EFHC2: variants seen among roughly 807,000 people sequenced by gnomAD.
EFHC2 encodes the protein EF-hand domain containing 2, also known as EF-hand domain-containing family member C2.
EFHC2 carries 18 observed loss-of-function variants against 52.7 expected under a neutral mutation model. The observed-to-expected ratio is 0.34, with a 90% CI of 0.24 to 0.51. The LOEUF is 0.51. Ranked by LOEUF, EFHC2 falls within the 20% of genes least tolerant of loss-of-function variation. The pLI, the probability that EFHC2 is intolerant of heterozygous loss-of-function variation, is 0.97. For synonymous variants in EFHC2, 203 were observed against 204.1 expected (o/e 0.99, Z 0.04); for missense variants, 513 against 562.5 (o/e 0.91, Z 0.89).
intron 2 of EFHC2, among the ~76,000 whole-genome samples, chrX:44,310,783 A>G (rs1569306165): frequency 8.9e-6 from 1 of 111,862 alleles, no homozygotes; most frequent in Non-Finnish European, 1.9e-5. Context: ...TAGCCCTGAA[A>G]TGAGCAAGCT....
chrX:44,149,256 C>T lies in EFHC2; in HGVS notation c.2149-360G>A, dbSNP rs767384597. Reference sequence around the variant, plus strand: ...GCATCATTTGGCTTGGCCTTCTGTGCCTCTGCCATCACCATGAAAAGAACA... The same window carrying T: ...GCATCATTTGGCTTGGCCTTCTGTGTCTCTGCCATCACCATGAAAAGAACA... On this transcript the variant is annotated intron_variant, in intron 14 of 14. Transcript: ENST00000420999. Among the ~76,000 whole-genome samples the T allele has an allele frequency of 5.5e-4, 62 of 112,102 alleles. 1 individual carries two copies. The highest frequency in any genetic ancestry group is 2.0e-3 in the African/African-American group (62 of 30,891).
Position 44,290,353 on chromosome X carries a change from C to T in EFHC2, c.232-17517G>A, listed in dbSNP as rs1441989836. On this transcript the variant is annotated intron_variant, in intron 2 of 14. Transcript: ENST00000420999. ...ATATTTTTAATTTGCTTTTACTTCTCACTTTGTATTATATACTTCCTTACA... is the reference window on the plus strand; with the variant it reads ...ATATTTTTAATTTGCTTTTACTTCTTACTTTGTATTATATACTTCCTTACA... 2.0e-4 allele frequency among the ~76,000 whole-genome samples: 22 copies of T among 111,848 alleles called. No homozygotes were observed. In the Admixed American group the frequency reaches 2.1e-3, roughly 11 times the overall value.
intron 11 of EFHC2, among the ~76,000 whole-genome samples, chrX:44,205,437 C>A (rs1302168759): frequency 2.7e-5 from 3 of 109,240 alleles, no homozygotes; most frequent in African/African-American, 1.0e-4. Flanking sequence ...ATACAAGACC[C>A]AACCTTCTCC....
At position 44,248,427 on chromosome X, in the gene EFHC2, A is replaced by T. The variant is rs2037416885; in HGVS notation, c.973-17T>A. The stretch of plus-strand genomic sequence containing the variant: ...TTTTCCTAGCTAAAAAAGACAAAGG[A>T]ACATAGCATTGGCACCATGGACCCT... On this transcript the variant is annotated splice_polypyrimidine_tract_variant and intron_variant, in intron 6 of 14. Coordinates refer to ENST00000420999, the MANE Select transcript of EFHC2 (RefSeq NM_025184.4). 3 of 1,189,037 alleles carry T rather than the reference A, an allele frequency of 2.5e-6. No individual in the cohort carries two copies. In the African/African-American group the frequency reaches 5.3e-5, roughly 21 times the overall value.
At chrX:44,324,758 C>A (rs1193257922) in intron 1 of EFHC2, among the ~76,000 whole-genome samples, 12 of 111,847 alleles carry the variant, frequency 1.1e-4, no homozygotes, top group African/African-American at 3.9e-4. Context: ...GAGAAGAAAC[C>A]AAAATATATC....
At chrX:44,342,819 T>C (rs1217284733) in intron 1 of EFHC2, among the ~76,000 whole-genome samples, 2 of 100,021 alleles carry the variant, frequency 2.0e-5, no homozygotes, top group African/African-American at 7.8e-5. Context: ...GAGGTTGCAG[T>C]GAGCCGAGAT....
intron 1 of EFHC2, among the ~76,000 whole-genome samples, chrX:44,332,117 C>T (rs1174661924): frequency 9.1e-6 from 1 of 110,068 alleles, no homozygotes; most frequent in Non-Finnish European, 1.9e-5. Flanking sequence ...GCTCTACTCA[C>T]GTGCCTTTTA....
rs61512189 is a variant in EFHC2, at chrX:44,204,234, C to CAAA, written c.1751+25412_1751+25414dup. 3.3e-3 allele frequency among the ~76,000 whole-genome samples: 185 copies of CAAA among 55,403 alleles called. 1 individual carries two copies. The highest frequency in any genetic ancestry group is 0.013 in the Middle Eastern group (1 of 79). 48.1% of individuals were successfully genotyped at this position (55,403 alleles called of 115,157 possible). On this transcript the variant is annotated intron_variant, in intron 11 of 14. Transcript: ENST00000420999. ...AAGCCCTCTGAAATGGTAGCAAACC[C>CAAA]AAAAAAAAAAAAAAAAAAAGCAGCA...
At chrX:44,299,488 T>C (rs1176493665) in intron 2 of EFHC2, among the ~76,000 whole-genome samples, 4 of 111,924 alleles carry the variant, frequency 3.6e-5, no homozygotes, top group Admixed American at 2.8e-4. Context: ...CTTCAACCAA[T>C]TGCCAATCAG....
At position 44,303,413 on chromosome X, in the gene EFHC2, G is replaced by T. The variant is rs181301214; in HGVS notation, c.231+9155C>A. 5.0e-4 allele frequency among the ~76,000 whole-genome samples: 55 copies of T among 110,858 alleles called. 1 individual carries two copies. The East Asian group carries it at 8.8e-3, about 18-fold the overall frequency. On this transcript the variant is annotated intron_variant, in intron 2 of 14. Transcript: ENST00000420999. The stretch of plus-strand genomic sequence containing the variant: ...ACTCTAGTCTGTTCTCTCCCTCTGA[G>T]ATTTATTAAGATACCCAGTTGTAGA...
At chrX:44,316,885 A>G (rs969730725) in intron 1 of EFHC2, among the ~76,000 whole-genome samples, 1 of 111,881 alleles carries the variant, frequency 8.9e-6, no homozygotes, top group Non-Finnish European at 1.9e-5. Flanking sequence ...TTTACTACTT[A>G]AGACCGTCAT....
intron 4 of EFHC2, among the ~76,000 whole-genome samples, chrX:44,256,796 A>T (rs2037495615): frequency 9.3e-6 from 1 of 107,378 alleles, no homozygotes; most frequent in Non-Finnish European, 1.9e-5. Flanking sequence ...TGAGGCCAGC[A>T]TCATCCTGAT....
intron 11 of EFHC2, among the ~76,000 whole-genome samples, chrX:44,179,976 G>C (rs1303905260): frequency 8.9e-6 from 1 of 112,185 alleles, no homozygotes; most frequent in Non-Finnish European, 1.9e-5. Flanking sequence ...AGCCTAGGAG[G>C]TGGTGCTACT....
At chrX:44,238,168 C>T (rs1374231395) in intron 8 of EFHC2, among the ~76,000 whole-genome samples, 1 of 111,505 alleles carries the variant, frequency 9.0e-6, no homozygotes, top group East Asian at 2.8e-4. Flanking sequence ...CAACTCCACC[C>T]TTCCAGTTGC....
chrX:44,229,849 A>T lies in EFHC2; in HGVS notation c.1621-70T>A. 3.8e-6 allele frequency: 4 copies of T among 1,049,691 alleles called. No individual in the cohort carries two copies. The South Asian group carries it at 8.8e-5, about 23-fold the overall frequency. The allele number at this position is 1,049,691 out of a possible 1,213,427, so 86.5% of individuals were successfully genotyped here. A position where few individuals can be genotyped will look rare whatever the true frequency, so the allele number is the denominator to read the frequency against. On this transcript the variant is annotated intron_variant, in intron 10 of 14. Transcript: ENST00000420999. ...ACAGTTCAGGAGCCCAATCTTGCTG[A>T]TGGCCAGCAAAGGGACTTCACACTG...
At chrX:44,253,073 G>A (rs374723507) in intron 4 of EFHC2, among the ~76,000 whole-genome samples, 1 of 111,195 alleles carries the variant, frequency 9.0e-6, no homozygotes, top group African/African-American at 3.3e-5. Context: ...GTGAGGGACC[G>A]TGCTGTGAGG....
At chrX:44,179,579 T>C (rs1351700655) in intron 11 of EFHC2, among the ~76,000 whole-genome samples, 1 of 112,278 alleles carries the variant, frequency 8.9e-6, no homozygotes, top group Admixed American at 9.5e-5. Flanking sequence ...TGTTGACCTA[T>C]CTAAAGGAAA....
chrX:44,313,535 G>A (rs1378745678), intron 1 of EFHC2, among the ~76,000 whole-genome samples: 2 of 112,262 alleles, frequency 1.8e-5, no homozygotes, highest in African/African-American at 6.5e-5. Flanking sequence ...TCAGACTATT[G>A]TTATAGCATT....
At chrX:44,290,456 G>A (rs767622033) in intron 2 of EFHC2, among the ~76,000 whole-genome samples, 6 of 109,707 alleles carry the variant, frequency 5.5e-5, no homozygotes, top group Non-Finnish European at 1.1e-4. Context: ...TTCTTCCTCT[G>A]CCTCTTGAAT....
Sources: allele counts gnomAD v4.1 joint callset (sites outside exome capture counted in the v4.1 genomes callset), GRCh38; gene constraint gnomAD v4.1.1; transcripts MANE v1.5; gene names NCBI Gene and HGNC (gene_info 2026-07-23, HGNC 2026-07-21).